Variants in SPIN1 observed in about 807,000 individuals in gnomAD.
SPIN1 encodes the protein spindlin 1, also known as spindlin-1.
A neutral mutation model predicts 26.0 loss-of-function variants in SPIN1; 3 were observed. The observed-to-expected ratio is 0.12, with a 90% CI of 0.05 to 0.30. The LOEUF (loss-of-function observed/expected upper bound fraction) is 0.30, where lower values mean the gene tolerates loss of function less well. Among genes scored for constraint, SPIN1 ranks in the 10% least tolerant of loss-of-function variants. The pLI is 1.00. For synonymous variants in SPIN1, 101 were observed against 116.5 expected (o/e 0.87, Z 0.86); for missense variants, 126 against 333.4 (o/e 0.38, Z 4.84).
Position 88,401,446 on chromosome 9 carries a change from C to T in SPIN1, c.-159+12908C>T, listed in dbSNP as rs566682730. On this transcript the variant is annotated intron_variant, in intron 1 of 5. Transcript: ENST00000375859. ...CGCCTGCCTCCCCGCCTGCACCCCA[C>T]CCCATGGATACCAAAATCCATGGAT... Among the ~76,000 whole-genome samples, 1,042 of 152,210 alleles carry T rather than the reference C, an allele frequency of 6.8e-3. 16 individuals are homozygous for T. Among genetic ancestry groups the T allele is most frequent in the African/African-American group, 0.024 (1,000 of 41,534 alleles).
intron 2 of SPIN1, among the ~76,000 whole-genome samples, chr9:88,441,328 C>T (rs890158204): frequency 6.6e-5 from 10 of 150,980 alleles, no homozygotes; most frequent in African/African-American, 2.2e-4. Context: ...ACCAGTCCCC[C>T]GTAGATATGG....
intron 2 of SPIN1, among the ~76,000 whole-genome samples, chr9:88,429,902 C>G (rs933029961): frequency 1.3e-5 from 2 of 152,060 alleles, no homozygotes; most frequent in African/African-American, 4.8e-5. Context: ...CCAGAGTTTC[C>G]AAGGGTATTG....
intron 1 of SPIN1, among the ~76,000 whole-genome samples, chr9:88,397,927 AGTT>A (rs1478784103): frequency 6.6e-6 from 1 of 150,844 alleles, no homozygotes; most frequent in African/African-American, 2.4e-5. Flanking sequence ...CCCAGCCTGA[AGTT>A]GTTTTTTTGA....
intron 3 of SPIN1, among the ~76,000 whole-genome samples, 186 bp from the exon 4 acceptor site, chr9:88,462,310 C>T (rs1394856600): frequency 6.6e-6 from 1 of 152,174 alleles, no homozygotes; most frequent in Non-Finnish European, 1.5e-5. Context: ...GTTACACACT[C>T]ACCACCACTG....
chr9:88,428,117 C>G (rs183572839), intron 2 of SPIN1, among the ~76,000 whole-genome samples: 188 of 152,210 alleles, frequency 1.2e-3, no homozygotes, highest in Middle Eastern at 3.4e-3. Context: ...ATAGTAATTC[C>G]TTTTCTAAAG....
intron 1 of SPIN1, among the ~76,000 whole-genome samples, chr9:88,401,961 G>C (rs1427899963): frequency 2.0e-5 from 3 of 152,116 alleles, no homozygotes; most frequent in African/African-American, 7.2e-5. Flanking sequence ...GATCAAGTCA[G>C]GGTACCTGGA....
At chr9:88,394,537 GA>G (rs1247468843) in intron 1 of SPIN1, among the ~76,000 whole-genome samples, 8 of 152,154 alleles carry the variant, frequency 5.3e-5, no homozygotes, top group African/African-American at 1.7e-4. Context: ...CTCTAACGTT[GA>G]AAATTTACAT....
At chr9:88,437,390 C>T (rs375434257) in intron 2 of SPIN1, among the ~76,000 whole-genome samples, 6 of 151,176 alleles carry the variant, frequency 4.0e-5, no homozygotes, top group Non-Finnish European at 5.9e-5. Flanking sequence ...CCTAGCCACT[C>T]GGGAGGTTGA....
At chr9:88,442,656 A>T (rs1276425612) in intron 2 of SPIN1, among the ~76,000 whole-genome samples, 1 of 150,152 alleles carries the variant, frequency 6.7e-6, no homozygotes, top group Non-Finnish European at 1.5e-5. Flanking sequence ...AAGTGCTGGG[A>T]TTACAGGTGT....
chr9:88,435,729 C>G (rs923617312), intron 2 of SPIN1, among the ~76,000 whole-genome samples: 19 of 151,976 alleles, frequency 1.3e-4, no homozygotes, highest in African/African-American at 4.6e-4. Context: ...GGTCATTTAC[C>G]TTCTTACACT....
chr9:88,404,864 C>T (rs535401954), intron 1 of SPIN1, among the ~76,000 whole-genome samples: 45 of 148,450 alleles, frequency 3.0e-4, no homozygotes, highest in African/African-American at 1.1e-3. Context: ...TGCAGTGAGC[C>T]GAGATCGTGC....
chr9:88,469,294 C>T (rs1466436808), intron 5 of SPIN1, among the ~76,000 whole-genome samples: 1 of 152,222 alleles, frequency 6.6e-6, no homozygotes, highest in East Asian at 1.9e-4. Context: ...CCGCTGCTCA[C>T]CTCCTGCTGT....
chr9:88,429,655 A>G (rs1445264476), intron 2 of SPIN1, among the ~76,000 whole-genome samples: 3 of 152,180 alleles, frequency 2.0e-5, no homozygotes, highest in Non-Finnish European at 4.4e-5. Context: ...GTGTTGCGCT[A>G]TCTGGAAGCT....
intron 2 of SPIN1, among the ~76,000 whole-genome samples, chr9:88,437,812 A>G (rs183370250): frequency 1.2e-3 from 176 of 152,234 alleles, no homozygotes; most frequent in African/African-American, 3.5e-3. Flanking sequence ...TCTTGGATTT[A>G]ATATTCTCTT....
intron 1 of SPIN1, among the ~76,000 whole-genome samples, chr9:88,393,084 A>G (rs1394131150): frequency 3.3e-5 from 5 of 150,654 alleles, no homozygotes; most frequent in Admixed American, 2.0e-4. Context: ...CATTTAAGGC[A>G]TGGGGTATTG....
rs1554692220 is a variant in SPIN1, at chr9:88,408,981, T to TTGTTTG, written c.-158-17398_-158-17397insTTGTGT. On this transcript the variant is annotated intron_variant, in intron 1 of 5. Coordinates refer to ENST00000375859, the MANE Select transcript of SPIN1 (RefSeq NM_006717.3). ...CCGGCCCTTTTGTGTTTGTGTGTGT[T>TTGTTTG]TGTGTGTGTGTGTGTGTGTGTGTGT... Among the ~76,000 whole-genome samples the TTGTTTG allele has an allele frequency of 1.2e-3, 164 of 136,698 alleles. 1 individual carries two copies. Among genetic ancestry groups the TTGTTTG allele is most frequent in the African/African-American group, 4.2e-3 (153 of 36,358 alleles). 89.7% of individuals were successfully genotyped at this position (136,698 alleles called of 152,430 possible). A position where few individuals can be genotyped will look rare whatever the true frequency, so the allele number is the denominator to read the frequency against.
At chr9:88,415,125 C>T (rs1002802518) in intron 1 of SPIN1, among the ~76,000 whole-genome samples, 1 of 152,012 alleles carries the variant, frequency 6.6e-6, no homozygotes, top group Non-Finnish European at 1.5e-5. Context: ...AGGATGGTCT[C>T]AATCTCCTGA....
intron 1 of SPIN1, chr9:88,391,333 CA>C (rs376426847): frequency 6.4e-6 from 1 of 156,612 alleles, no homozygotes; most frequent in African/African-American, 2.4e-5. Flanking sequence ...AAATTACCAG[CA>C]AGAAAAAAAA....
At chr9:88,400,963 T>C (rs2117903978) in intron 1 of SPIN1, among the ~76,000 whole-genome samples, 1 of 152,128 alleles carries the variant, frequency 6.6e-6, no homozygotes, top group Non-Finnish European at 1.5e-5. Flanking sequence ...CGGTGAGCCA[T>C]GATCGTGCAA....
Sources: allele counts gnomAD v4.1 joint callset (sites outside exome capture counted in the v4.1 genomes callset), GRCh38; gene constraint gnomAD v4.1.1; transcripts MANE v1.5; gene names NCBI Gene and HGNC (gene_info 2026-07-23, HGNC 2026-07-21).